The following BMPR1B variants were observed in gnomAD, a reference collection of about 807,000 sequenced individuals.
BMPR1B encodes bone morphogenetic protein receptor type 1B.
Under a neutral mutation model 59.1 loss-of-function variants are expected in BMPR1B, and 12 were observed. That is an observed-to-expected ratio of 0.20 (90% CI 0.13 to 0.33). BMPR1B has a LOEUF of 0.33. Among genes scored for constraint, BMPR1B ranks in the 10% least tolerant of loss-of-function variants. The pLI, the probability that BMPR1B is intolerant of heterozygous loss-of-function variation, is 1.00. For synonymous variants in BMPR1B, 237 were observed against 207.3 expected, an observed-to-expected ratio of 1.14 and a Z score of -1.23; for missense variants, 550 against 610.9, an observed-to-expected ratio of 0.90 and a Z score of 1.05.
chr4:94,782,391 A>C (rs1722623986), intron 1 of BMPR1B, among the ~76,000 whole-genome samples: 1 of 151,562 alleles, frequency 6.6e-6, no homozygotes, highest in East Asian at 1.9e-4. Context: ...CTGCAGCCTC[A>C]ACCTCCCAGG....
intron 3 of BMPR1B, among the ~76,000 whole-genome samples, chr4:95,069,897 C>G (rs377349827): frequency 6.6e-6 from 1 of 152,154 alleles, no homozygotes; most frequent in Admixed American, 6.5e-5. Flanking sequence ...GTTGGGAGTT[C>G]GTGACCAGCC....
intron 3 of BMPR1B, among the ~76,000 whole-genome samples, chr4:95,048,485 A>G (rs1268750197): frequency 6.6e-6 from 1 of 152,160 alleles, no homozygotes; most frequent in Non-Finnish European, 1.5e-5. Flanking sequence ...ACTTTTTAGT[A>G]ATAGCCTTTC....
At chr4:94,795,230 G>T (rs554399478) in intron 1 of BMPR1B, among the ~76,000 whole-genome samples, 5 of 147,354 alleles carry the variant, frequency 3.4e-5, no homozygotes, top group Admixed American at 6.9e-5. Context: ...TTAGCATGAA[G>T]GGTTGTTGAA....
At chr4:94,850,102 C>G (rs1341033989) in intron 1 of BMPR1B, among the ~76,000 whole-genome samples, 1 of 152,048 alleles carries the variant, frequency 6.6e-6, no homozygotes, top group Non-Finnish European at 1.5e-5. Flanking sequence ...GTGCAGTGGG[C>G]TTTGACTAAA....
intron 1 of BMPR1B, among the ~76,000 whole-genome samples, chr4:94,778,190 A>C (rs376649194): frequency 6.6e-6 from 1 of 152,142 alleles, no homozygotes; most frequent in Non-Finnish European, 1.5e-5. Flanking sequence ...TGCATTCCTC[A>C]GTTGCATTTG....
intron 2 of BMPR1B, among the ~76,000 whole-genome samples, chr4:94,949,112 A>G (rs542386051): frequency 7.5e-4 from 113 of 151,646 alleles, no homozygotes; most frequent in African/African-American, 2.6e-3. Flanking sequence ...TTCTAATGCT[A>G]TTGCTTCCCT....
intron 1 of BMPR1B, among the ~76,000 whole-genome samples, chr4:94,792,464 A>G (rs961960253): frequency 4.6e-5 from 7 of 151,824 alleles, no homozygotes; most frequent in Non-Finnish European, 8.8e-5. Flanking sequence ...TTTTTTCCAG[A>G]TTACAACATA....
chr4:94,919,253 C>G (rs1011421451), intron 2 of BMPR1B, among the ~76,000 whole-genome samples: 1 of 152,150 alleles, frequency 6.6e-6, no homozygotes, highest in African/African-American at 2.4e-5. Context: ...GCCTTTTCCA[C>G]GATGCATTAT....
At chr4:94,858,360 T>TA (rs1725851821) in intron 1 of BMPR1B, among the ~76,000 whole-genome samples, 1 of 152,202 alleles carries the variant, frequency 6.6e-6, no homozygotes, top group Non-Finnish European at 1.5e-5. Context: ...GCTTTTGTTA[T>TA]AAAAATATAT....
chr4:94,799,018 C>A (rs1177589718), intron 1 of BMPR1B, among the ~76,000 whole-genome samples: 1 of 151,482 alleles, frequency 6.6e-6, no homozygotes, highest in African/African-American at 2.4e-5. Context: ...TGTTGAGAAT[C>A]CCAGGAGTGC....
Position 95,123,752 on chromosome 4 carries a change from T to A in BMPR1B, c.350-58T>A, listed in dbSNP as rs180827550. The stretch of plus-strand genomic sequence containing the variant: ...AAGTACCTTTAGGAAAGAGTTACTT[T>A]CTTATTTTTAAGTAAAAATATTCTC... On this transcript the variant is annotated intron_variant, in intron 6 of 12. Transcript: ENST00000515059. 284 of 1,327,618 alleles carry A rather than the reference T, an allele frequency of 2.1e-4. 1 individual carries two copies. In the African/African-American group the frequency reaches 2.3e-3, roughly 11 times the overall value. 82.2% of individuals were successfully genotyped at this position (1,327,618 alleles called of 1,614,324 possible). A position where few individuals can be genotyped will look rare whatever the true frequency, so the allele number is the denominator to read the frequency against.
chr4:94,902,900 A>ATTCAATC (rs1460064369), intron 2 of BMPR1B, among the ~76,000 whole-genome samples: 1 of 151,986 alleles, frequency 6.6e-6, no homozygotes, highest in Non-Finnish European at 1.5e-5. Flanking sequence ...AGACTACTGA[A>ATTCAATC]TTCAATCTTG....
At chr4:94,980,991 T>TCACA (rs71583675) in intron 2 of BMPR1B, among the ~76,000 whole-genome samples, 5 of 21,776 alleles carry the variant, frequency 2.3e-4, no homozygotes, top group East Asian at 1.9e-3. Context: ...CAAGACTCCA[T>TCACA]CACACACACA....
At chr4:95,049,611 T>C (rs188965533) in intron 3 of BMPR1B, among the ~76,000 whole-genome samples, 168 of 151,974 alleles carry the variant, frequency 1.1e-3, no homozygotes, top group African/African-American at 3.9e-3. Context: ...GTTGCACAAA[T>C]TGAAAATTCA....
chr4:95,027,997 G>T (rs1376970342), intron 3 of BMPR1B, among the ~76,000 whole-genome samples: 1 of 152,100 alleles, frequency 6.6e-6, no homozygotes, highest in Admixed American at 6.6e-5. Flanking sequence ...AGAGGCAATA[G>T]AAAGGCAGGG....
intron 1 of BMPR1B, among the ~76,000 whole-genome samples, chr4:94,769,374 G>A (rs1722085186): frequency 6.6e-6 from 1 of 152,210 alleles, no homozygotes; most frequent in African/African-American, 2.4e-5. Context: ...ACTTTGGGAG[G>A]CCGAGGTGGG....
intron 1 of BMPR1B, among the ~76,000 whole-genome samples, chr4:94,849,248 C>G (rs574549255): frequency 1.3e-5 from 2 of 151,986 alleles, no homozygotes; most frequent in Admixed American, 1.3e-4. Context: ...TGTGTCCTGG[C>G]AGCCATGTGA....
At chr4:94,908,805 G>C (rs1401164889) in intron 2 of BMPR1B, among the ~76,000 whole-genome samples, 1 of 151,942 alleles carries the variant, frequency 6.6e-6, no homozygotes, top group Non-Finnish European at 1.5e-5. Flanking sequence ...CTTATCTTTT[G>C]CTTGAATAAT....
intron 2 of BMPR1B, among the ~76,000 whole-genome samples, chr4:94,923,631 T>C (rs536122463): frequency 6.6e-6 from 1 of 152,306 alleles, no homozygotes; most frequent in African/African-American, 2.4e-5. Flanking sequence ...TTAGCTATTC[T>C]TTTTAGCCCC....
Sources: allele counts gnomAD v4.1 joint callset (sites outside exome capture counted in the v4.1 genomes callset), GRCh38; gene constraint gnomAD v4.1.1; transcripts MANE v1.5; gene names NCBI Gene and HGNC (gene_info 2026-07-23, HGNC 2026-07-21).